The following CNTNAP2 variants were observed in gnomAD, a reference collection of about 807,000 sequenced individuals.
CNTNAP2 encodes contactin-associated protein-like 2.
Under a neutral mutation model 155.2 loss-of-function variants are expected in CNTNAP2, and 98 were observed. That is an observed-to-expected ratio of 0.63 (90% CI 0.54 to 0.75). The LOEUF is 0.75. CNTNAP2 is among the 30% of genes least tolerant of loss of function. The pLI is 0.00. For missense variants in CNTNAP2, 1,727 were observed against 1,688.1 expected (o/e 1.02, Z -0.40); for synonymous variants, 651 against 631.2 (o/e 1.03, Z -0.47).
chr7:146,128,518 T>C (rs1797670049), intron 1 of CNTNAP2, among the ~76,000 whole-genome samples: 1 of 152,172 alleles, frequency 6.6e-6, no homozygotes, highest in African/African-American at 2.4e-5. Flanking sequence ...AAGACAAATA[T>C]AGAATCTAAT....
At chr7:146,429,698 C>G (rs1796144328) in intron 1 of CNTNAP2, among the ~76,000 whole-genome samples, 1 of 152,092 alleles carries the variant, frequency 6.6e-6, no homozygotes, top group Non-Finnish European at 1.5e-5. Flanking sequence ...TTCTTCTCTT[C>G]CTATGTGAAT....
chr7:148,238,877 A>G (rs890634035), intron 20 of CNTNAP2, among the ~76,000 whole-genome samples: 19 of 152,356 alleles, frequency 1.2e-4, no homozygotes, highest in African/African-American at 4.3e-4. Flanking sequence ...CTTTCTGCCA[A>G]TAAAGAACAA....
intron 4 of CNTNAP2, among the ~76,000 whole-genome samples, chr7:147,062,482 T>C (rs997808440): frequency 1.3e-5 from 2 of 151,316 alleles, no homozygotes; most frequent in African/African-American, 4.8e-5. Flanking sequence ...TCAAAAGAGA[T>C]GGCCTTTTGG....
At chr7:146,929,764 G>C (rs947668118) in intron 3 of CNTNAP2, among the ~76,000 whole-genome samples, 3 of 152,182 alleles carry the variant, frequency 2.0e-5, no homozygotes, top group Non-Finnish European at 4.4e-5. Context: ...GGAGCTGAAA[G>C]CCAAGGCTCG....
At chr7:146,293,517 A>G (rs1310069968) in intron 1 of CNTNAP2, among the ~76,000 whole-genome samples, 1 of 152,162 alleles carries the variant, frequency 6.6e-6, no homozygotes, top group Non-Finnish European at 1.5e-5. Context: ...AACAATATAC[A>G]CTATTATATC....
intron 10 of CNTNAP2, among the ~76,000 whole-genome samples, chr7:147,400,263 G>A (rs1796890616): frequency 6.6e-6 from 1 of 152,074 alleles, no homozygotes; most frequent in Non-Finnish European, 1.5e-5. Flanking sequence ...GCTTGGGGAG[G>A]GACGGACATT....
At position 146,399,076 on chromosome 7, in the gene CNTNAP2, A is replaced by AAT. The variant is rs1491011741; in HGVS notation, c.97+282103_97+282104insAT. ...CCTTTCTTTAAGAACGTTTTGACAA[A>AAT]TAAACATATATATTTGTGGTATACA... On this transcript the variant is annotated intron_variant, in intron 1 of 23. Coordinates refer to ENST00000361727, the MANE Select transcript of CNTNAP2 (RefSeq NM_014141.6). Among the ~76,000 whole-genome samples, 14 of 100,554 alleles carry AAT rather than the reference A, an allele frequency of 1.4e-4. No homozygotes were observed. The African/African-American group carries it at 1.4e-3, about 10-fold the overall frequency. The allele number at this position is 100,554 out of a possible 152,430, so 66.0% of individuals were successfully genotyped here.
chr7:147,802,136 C>G (rs372303578), intron 13 of CNTNAP2, among the ~76,000 whole-genome samples: 1 of 146,592 alleles, frequency 6.8e-6, no homozygotes, highest in Non-Finnish European at 1.5e-5. Context: ...ACCTCCCAGA[C>G]GGGGTCGCGG....
At chr7:147,323,747 C>T (rs893469134) in intron 9 of CNTNAP2, among the ~76,000 whole-genome samples, 1 of 152,076 alleles carries the variant, frequency 6.6e-6, no homozygotes, top group Non-Finnish European at 1.5e-5. Flanking sequence ...TCATCCTAGC[C>T]TGAAGCTTTT....
chr7:147,481,893 G>T (rs1204443200), intron 10 of CNTNAP2, among the ~76,000 whole-genome samples: 2 of 152,046 alleles, frequency 1.3e-5, no homozygotes, highest in East Asian at 3.9e-4. Flanking sequence ...ATTCCTTGTG[G>T]CTACTAAAAA....
At chr7:148,355,414 C>T (rs1430518816) in intron 21 of CNTNAP2, among the ~76,000 whole-genome samples, 2 of 151,922 alleles carry the variant, frequency 1.3e-5, no homozygotes, top group East Asian at 3.9e-4. Context: ...ATTTCAACTG[C>T]CTGTTTTTTT....
intron 9 of CNTNAP2, among the ~76,000 whole-genome samples, chr7:147,305,226 T>G (rs1243323548): frequency 6.6e-6 from 1 of 151,118 alleles, no homozygotes; most frequent in Non-Finnish European, 1.5e-5. Flanking sequence ...CCAGTTGGGG[T>G]TTTTGCTATT....
At chr7:147,553,563 A>G (rs1007410218) in intron 11 of CNTNAP2, among the ~76,000 whole-genome samples, 1 of 152,192 alleles carries the variant, frequency 6.6e-6, no homozygotes, top group African/African-American at 2.4e-5. Context: ...TTTAGTTAAC[A>G]TGCCTGCCCC....
chr7:146,555,806 A>G (rs1445933485), intron 1 of CNTNAP2, among the ~76,000 whole-genome samples: 1 of 152,188 alleles, frequency 6.6e-6, no homozygotes, highest in Non-Finnish European at 1.5e-5. Flanking sequence ...GGCTCTGCCA[A>G]TTAATATTGG....
intron 21 of CNTNAP2, among the ~76,000 whole-genome samples, chr7:148,362,607 C>T (rs1235062660): frequency 6.6e-6 from 1 of 152,198 alleles, no homozygotes; most frequent in Admixed American, 6.5e-5. Flanking sequence ...CTTCCTGCAT[C>T]TGTACTGCGT....
At chr7:146,914,152 A>T (rs1796345534) in intron 3 of CNTNAP2, among the ~76,000 whole-genome samples, 1 of 152,034 alleles carries the variant, frequency 6.6e-6, no homozygotes, top group South Asian at 2.1e-4. Context: ...GCTCAGTCGT[A>T]TTCATATATA....
chr7:147,524,586 G>T (rs1799285674), intron 11 of CNTNAP2, among the ~76,000 whole-genome samples: 2 of 152,186 alleles, frequency 1.3e-5, no homozygotes, highest in Non-Finnish European at 1.5e-5. Context: ...CTAATTCAGG[G>T]ACTCTGGAGG....
intron 8 of CNTNAP2, among the ~76,000 whole-genome samples, chr7:147,213,511 T>C (rs1315485084): frequency 1.3e-5 from 2 of 152,064 alleles, no homozygotes; most frequent in Non-Finnish European, 2.9e-5. Context: ...AATGCATTTT[T>C]CTCACAAATG....
At chr7:146,837,681 C>T (rs1005380076) in intron 2 of CNTNAP2, among the ~76,000 whole-genome samples, 1 of 152,022 alleles carries the variant, frequency 6.6e-6, no homozygotes, top group Non-Finnish European at 1.5e-5. Flanking sequence ...TTATGACTTT[C>T]CTTAATGGAG....
Sources: gnomAD v4.1 joint callset for allele counts (sites outside exome capture counted in the v4.1 genomes callset) on GRCh38, gnomAD v4.1.1 for gene constraint, MANE v1.5 for transcripts, NCBI Gene and HGNC (gene_info 2026-07-23, HGNC 2026-07-21) for gene names.